The following C2CD2 variants were observed in gnomAD, a reference collection of about 807,000 sequenced individuals.
C2CD2 encodes the protein C2 domain-containing protein 2.
Under a neutral mutation model 74.3 loss-of-function variants are expected in C2CD2, and 43 were observed. The ratio of observed to expected loss-of-function variants is 0.58; its 90% CI spans 0.45 to 0.75. C2CD2 has a LOEUF of 0.75. Among genes scored for constraint, C2CD2 ranks in the 30% least tolerant of loss-of-function variants. C2CD2 has a pLI of 0.00. For missense variants in C2CD2, 801 were observed against 916.3 expected, an observed-to-expected ratio of 0.87 and a Z score of 1.63; for synonymous variants, 422 against 390.7, an observed-to-expected ratio of 1.08 and a Z score of -0.94.
chr21:41,938,094 T>A (rs941877009), intron 2 of C2CD2, among the ~76,000 whole-genome samples: 2 of 152,214 alleles, frequency 1.3e-5, no homozygotes, highest in African/African-American at 4.8e-5. Context: ...AAGAGTAGAT[T>A]TTAAATTTCT....
At chr21:41,947,174 TGAGACG>T (rs1180819323) in intron 1 of C2CD2, among the ~76,000 whole-genome samples, 3 of 82,246 alleles carry the variant, frequency 3.6e-5, no homozygotes, top group Non-Finnish European at 7.0e-5. Context: ...CCTTCTTTTT[TGAGACG>T]GAGTTTCACT....
intron 13 of C2CD2, among the ~76,000 whole-genome samples, chr21:41,891,751 G>A (rs867959540): frequency 2.6e-5 from 4 of 152,240 alleles, no homozygotes; most frequent in East Asian, 1.9e-4. Context: ...CTGCTCCAAC[G>A]TCACCCCCTT....
rs2064714762 is a variant in C2CD2 at position 41,889,000 on chromosome 21, G to T, written c.*124C>A. ...TGTTTTCCCTTTAAATGACGAGATG[G>T]TTGGAAGAAACCCAGCAAGACAAGC... On this transcript the variant is annotated 3_prime_UTR_variant, in exon 14 of 14. Coordinates refer to ENST00000380486, the MANE Select transcript of C2CD2 (RefSeq NM_015500.2). 3 of 739,558 alleles carry T rather than the reference G, an allele frequency of 4.1e-6. No individual in the cohort carries two copies. Among genetic ancestry groups the T allele is most frequent in the Non-Finnish European group, 7.0e-6 (3 of 430,748 alleles). The allele number at this position is 739,558 out of a possible 1,614,324, so 45.8% of individuals were successfully genotyped here. A position where few individuals can be genotyped will look rare whatever the true frequency, so the allele number is the denominator to read the frequency against.
chr21:41,918,867 C>G lies in C2CD2; in HGVS notation c.586G>C (p.Ala196Pro), dbSNP rs775587060. The G allele has an allele frequency of 2.5e-6, 4 of 1,613,706 alleles. No individual in the cohort carries two copies. Among genetic ancestry groups the G allele is most frequent in the Middle Eastern group, 1.7e-4 (1 of 6,032 alleles). ...ACTTACGGACTGACCTCCCCCAGTGCTTTGGGCTGGATATTAACGGCCATT... is the reference window on the plus strand; with the variant it reads ...ACTTACGGACTGACCTCCCCCAGTGGTTTGGGCTGGATATTAACGGCCATT... ...PEMAVNIQPK[A>P]LGEDQVAETS... The change falls in exon 4 of 14, where the codon GCA (alanine) becomes CCA (proline). Residue 196 changes from alanine to proline, a missense_variant. Ala to Pro is a conservative substitution (Grantham distance 27). Transcript: ENST00000380486.
chr21:41,921,363 C>G (rs2146198415), intron 3 of C2CD2, among the ~76,000 whole-genome samples: 1 of 152,312 alleles, frequency 6.6e-6, no homozygotes, highest in South Asian at 2.1e-4. Context: ...GCACAGCTCT[C>G]TGATGATTTG....
intron 2 of C2CD2, among the ~76,000 whole-genome samples, chr21:41,933,017 C>T (rs1239867725): frequency 2.0e-5 from 3 of 150,212 alleles, no homozygotes; most frequent in East Asian, 2.0e-4. Flanking sequence ...AGCCAGTCCT[C>T]GGCCTTATCC....
chr21:41,934,663 G>T (rs139896347), intron 2 of C2CD2, among the ~76,000 whole-genome samples: 1 of 152,296 alleles, frequency 6.6e-6, no homozygotes, highest in East Asian at 1.9e-4. Flanking sequence ...ATTGAGCCCC[G>T]CACAGGCTTG....
At position 41,895,479 on chromosome 21, in the gene C2CD2, C is replaced by T. The variant is rs575012351; in HGVS notation, c.1870+3574G>A. ...ACTTGACTCCAGGCTACCTTCTCTA[C>T]GCCAACAGCAAGAAGCGAGATTTAG... On this transcript the variant is annotated intron_variant, in intron 13 of 13. Coordinates refer to ENST00000380486, the MANE Select transcript of C2CD2 (RefSeq NM_015500.2). This position sits in a 1 kb window ranked among gnomAD's most constrained non-coding sequence, Gnocchi z 5.0. 2.0e-5 allele frequency among the ~76,000 whole-genome samples: 3 copies of T among 152,294 alleles called. No homozygotes were observed. The highest frequency in any genetic ancestry group is 2.1e-4 in the South Asian group (1 of 4,824).
At chr21:41,952,866 GTCT>G (rs1569086564) in intron 1 of C2CD2, 2 of 152,940 alleles carry the variant, frequency 1.3e-5, no homozygotes, top group African/African-American at 4.8e-5. Context: ...TCGGTAGGAT[GTCT>G]GCCCAGCGGC....
rs1601594852 is a variant in C2CD2 at position 41,932,209 on chromosome 21, T to A, written c.378+9938A>T. Among the ~76,000 whole-genome samples the A allele has an allele frequency of 2.0e-5, 3 of 149,710 alleles. No homozygotes were observed. In the South Asian group the frequency reaches 6.4e-4, roughly 32 times the overall value. Reference sequence around the variant, plus strand: ...TGGGTTTGGGGAGCTTCCAAGGTGGTGAATACATCAAGGTGCCGGGCGGGT... The same window carrying A: ...TGGGTTTGGGGAGCTTCCAAGGTGGAGAATACATCAAGGTGCCGGGCGGGT... On this transcript the variant is annotated intron_variant, in intron 2 of 13. Transcript: ENST00000380486.
At chr21:41,936,731 G>A (rs545376041) in intron 2 of C2CD2, among the ~76,000 whole-genome samples, 5 of 151,646 alleles carry the variant, frequency 3.3e-5, no homozygotes, top group East Asian at 1.9e-4. Flanking sequence ...ACGTGAAGAC[G>A]ATGAGGATGA....
chr21:41,923,281 C>T lies in C2CD2; in HGVS notation c.379-1196G>A, dbSNP rs541904738. Among the ~76,000 whole-genome samples, 2 of 152,332 alleles carry T rather than the reference C, an allele frequency of 1.3e-5. No homozygotes were observed. Among genetic ancestry groups the T allele is most frequent in the East Asian group, 3.9e-4 (2 of 5,190 alleles). On this transcript the variant is annotated intron_variant, in intron 2 of 13. Transcript: ENST00000380486. This position sits in a 1 kb window ranked among gnomAD's most constrained non-coding sequence, Gnocchi z 5.8. ...GTGCTAGGATTACAGGCATGAGCCA[C>T]CGTGCCCGGCCAACAAAGTCTTTTT... is the stretch of plus-strand genomic sequence containing the variant.
chr21:41,910,851 A>G (rs1162216687), intron 7 of C2CD2, among the ~76,000 whole-genome samples: 1 of 152,156 alleles, frequency 6.6e-6, no homozygotes, highest in Non-Finnish European at 1.5e-5. Flanking sequence ...CCTTATATCA[A>G]TTATTCTTTC....
In C2CD2 at chr21:41,899,627, C is replaced by G. The variant is rs1034791472; in HGVS notation, c.1561-265G>C. Among the ~76,000 whole-genome samples the G allele has an allele frequency of 6.6e-6, 1 of 152,062 alleles. No homozygotes were observed. The highest frequency in any genetic ancestry group is 2.4e-5 in the African/African-American group (1 of 41,410). On this transcript the variant is annotated intron_variant, in intron 12 of 13. Coordinates refer to ENST00000380486, the MANE Select transcript of C2CD2 (RefSeq NM_015500.2). The surrounding 1 kb of genome is among the most constrained non-coding windows in gnomAD (Gnocchi z 4.4). ...GCTCAGAGGTTAACCCTCTTCCTCT[C>G]ACAGATGGGCCTAGCGGTGGGAGCG...
Position 41,923,515 on chromosome 21 carries a change from G to A in C2CD2, c.379-1430C>T, listed in dbSNP as rs2065177989. 1.3e-5 allele frequency among the ~76,000 whole-genome samples: 2 copies of A among 152,126 alleles called. No homozygotes were observed. The highest frequency in any genetic ancestry group is 2.4e-5 in the African/African-American group (1 of 41,412). On this transcript the variant is annotated intron_variant, in intron 2 of 13. Coordinates refer to ENST00000380486, the MANE Select transcript of C2CD2 (RefSeq NM_015500.2). This position sits in a 1 kb window ranked among gnomAD's most constrained non-coding sequence, Gnocchi z 5.8. ...GGGTTGCTTCCACCTAAATAATTTC[G>A]AGGCGATCATGGTTTTCAAAAAGGT... is the stretch of plus-strand genomic sequence containing the variant.
chr21:41,907,216 G>A (rs775005190), intron 9 of C2CD2, 50 bp from the exon 10 acceptor site: 1 of 1,486,182 alleles, frequency 6.7e-7, no homozygotes, highest in African/African-American at 1.4e-5. Context: ...AGTTGCCCAG[G>A]CTGATCAGCC....
chr21:41,905,772 C>CGATG lies in C2CD2; in HGVS notation c.1380_1383dup (p.Ala462HisfsTer30), dbSNP rs1438518966. 6.2e-7 allele frequency: 1 copy of CGATG among 1,612,170 alleles called. No individual in the cohort carries two copies. The highest frequency in any genetic ancestry group is 8.5e-7 in the Non-Finnish European group (1 of 1,178,546). On this transcript the variant is annotated frameshift_variant, in exon 11 of 14. Coordinates refer to ENST00000380486, the MANE Select transcript of C2CD2 (RefSeq NM_015500.2). LOFTEE classifies it high-confidence loss of function. ...TTGCTGACGGGGGCGCTGCGGCAGG[C>CGATG]GATGGCCTGGACAGAGATGTCCTTC...
rs1458962440 is a variant in C2CD2 at position 41,923,275 on chromosome 21, G to A, written c.379-1190C>T. ...TCCAAAGTGCTAGGATTACAGGCAT[G>A]AGCCACCGTGCCCGGCCAACAAAGT... On this transcript the variant is annotated intron_variant, in intron 2 of 13. Coordinates refer to ENST00000380486, the MANE Select transcript of C2CD2 (RefSeq NM_015500.2). This position sits in a 1 kb window ranked among gnomAD's most constrained non-coding sequence, Gnocchi z 5.8. 6.6e-6 allele frequency among the ~76,000 whole-genome samples: 1 copy of A among 152,180 alleles called. No homozygotes were observed. The highest frequency in any genetic ancestry group is 1.5e-5 in the Non-Finnish European group (1 of 68,030).
chr21:41,894,831 C>T (rs1298308334), intron 13 of C2CD2: 4 of 456,728 alleles, frequency 8.8e-6, no homozygotes, highest in Non-Finnish European at 1.8e-5. Flanking sequence ...CCAGATTTGC[C>T]AGTGCACACT....
Sources: allele counts gnomAD v4.1 joint callset (sites outside exome capture counted in the v4.1 genomes callset), GRCh38; gene constraint gnomAD v4.1.1; non-coding constraint Gnocchi (gnomAD v3.1); transcripts MANE v1.5; gene names NCBI Gene and HGNC (gene_info 2026-07-23, HGNC 2026-07-21).